The following KIF21A variants were observed in gnomAD, a reference collection of about 807,000 sequenced individuals.
KIF21A encodes the protein kinesin family member 21A.
A neutral mutation model predicts 202.9 loss-of-function variants in KIF21A; 114 were observed. That is an observed-to-expected ratio of 0.56 (90% CI 0.48 to 0.66). The LOEUF (loss-of-function observed/expected upper bound fraction) is 0.66. KIF21A is among the 30% of genes least tolerant of loss of function. The pLI is 0.00. For synonymous variants in KIF21A, 667 were observed against 670.8 expected (o/e 0.99, Z 0.09); for missense variants, 1,677 against 1,994.9 (o/e 0.84, Z 3.04).
At chr12:39,335,114 C>T (rs1196339089) in intron 17 of KIF21A, among the ~76,000 whole-genome samples, 1 of 151,978 alleles carries the variant, frequency 6.6e-6, no homozygotes, top group Non-Finnish European at 1.5e-5. Flanking sequence ...ACCTTGAAAA[C>T]ATCGTGTTAA....
rs751709193 is a variant in KIF21A at position 39,309,601 on chromosome 12, C to T, written c.4262G>A (p.Cys1421Tyr). The T allele has an allele frequency of 5.0e-6, 8 of 1,610,836 alleles. No individual in the cohort carries two copies. Among genetic ancestry groups the T allele is most frequent in the South Asian group, 4.4e-5 (4 of 91,026 alleles). ...KVWDIRDSAK[C>Y]IRTLTSSGQV... Reference sequence around the variant, plus strand: ...AGTTACTTACGTTAGTGTTCGAATGCACTTTGCTGAATCTCTGATATCCCA... The same window carrying T: ...AGTTACTTACGTTAGTGTTCGAATGTACTTTGCTGAATCTCTGATATCCCA... The change falls in exon 33 of 38, where the codon TGC becomes TAC. Residue 1421 changes from cysteine (C) to tyrosine (Y), a missense_variant. Around this residue, in one of 3 missense-constraint regions of KIF21A, gnomAD observed 705 missense variants for 791.9 expected, o/e 0.89. Transcript: ENST00000361418.
intron 1 of KIF21A, among the ~76,000 whole-genome samples, chr12:39,425,431 C>A (rs539816170): frequency 1.3e-4 from 20 of 152,118 alleles, no homozygotes; most frequent in Non-Finnish European, 2.9e-4. Context: ...TTTTTCACCT[C>A]TGATGTTAAA....
chr12:39,371,542 T>C (rs1036582480), intron 1 of KIF21A, among the ~76,000 whole-genome samples: 2 of 152,198 alleles, frequency 1.3e-5, no homozygotes, highest in African/African-American at 4.8e-5. Context: ...TATTCTGGAA[T>C]ATAAACCACT....
rs556969460 is a variant in KIF21A, at chr12:39,307,267, C to T, written c.4442+298G>A. Among the ~76,000 whole-genome samples, 5 of 152,124 alleles carry T rather than the reference C, an allele frequency of 3.3e-5. No individual in the cohort carries two copies. In the South Asian group the frequency reaches 1.0e-3, roughly 32 times the overall value. ...GTGAAACTAGGATGAGAATCTTGAC[C>T]TCTTCCTAGTAAACAACATGACTTG... On this transcript the variant is annotated intron_variant, in intron 34 of 37. Coordinates refer to ENST00000361418, the MANE Select transcript of KIF21A (RefSeq NM_001173464.2).
At chr12:39,315,316 T>C in intron 30 of KIF21A, 76 bp from the exon 31 acceptor site, 1 of 1,258,494 alleles carries the variant, frequency 7.9e-7, no homozygotes. Flanking sequence ...ATGATAATGG[T>C]GAAAGGGAAT....
chr12:39,360,927 C>T (rs1006401250), intron 7 of KIF21A, among the ~76,000 whole-genome samples: 1 of 152,104 alleles, frequency 6.6e-6, no homozygotes, highest in Non-Finnish European at 1.5e-5. Flanking sequence ...AGATATTTTG[C>T]TCTCCAAGGC....
chr12:39,366,936 G>T, intron 5 of KIF21A, 94 bp downstream of exon 5: 2 of 1,195,026 alleles, frequency 1.7e-6, no homozygotes, highest in Non-Finnish European at 2.5e-6. Flanking sequence ...ATGACTAAAT[G>T]AACTGAATTT....
Position 39,332,389 on chromosome 12 carries a change from T to G in KIF21A, c.2876A>C (p.Lys959Thr). Reference sequence around the variant, plus strand: ...TCTTTTTGAAAGTTTCTCTCGTCTTTTTGTGAGTTCCTCCCGTTGCTATTG... The same window carrying G: ...TCTTTTTGAAAGTTTCTCTCGTCTTGTTGTGAGTTCCTCCCGTTGCTATTG... ...RLLKQREELT[K>T]RREKLSKRRE... Residue 959 changes from lysine to threonine, a missense_variant, in exon 21 of 38, where the codon AAA (lysine) becomes ACA (threonine). Lys to Thr is a moderately conservative substitution (Grantham distance 78). Around this residue, in one of 3 missense-constraint regions of KIF21A, gnomAD observed 966 missense variants for 1,180.9 expected, o/e 0.82. Coordinates refer to ENST00000361418, the MANE Select transcript of KIF21A (RefSeq NM_001173464.2). The G allele has an allele frequency of 1.9e-6, 3 of 1,614,050 alleles. No homozygotes were observed. Among genetic ancestry groups the G allele is most frequent in the Non-Finnish European group, 2.5e-6 (3 of 1,179,968 alleles).
At chr12:39,419,708 T>C (rs1954082915) in intron 1 of KIF21A, among the ~76,000 whole-genome samples, 1 of 152,142 alleles carries the variant, frequency 6.6e-6, no homozygotes, top group African/African-American at 2.4e-5. Context: ...TAAAGATTCA[T>C]GGTGGGGATA....
chr12:39,375,404 C>A (rs937412030), intron 1 of KIF21A, among the ~76,000 whole-genome samples: 2 of 152,088 alleles, frequency 1.3e-5, no homozygotes, highest in African/African-American at 4.8e-5. Context: ...GCCAAGAATG[C>A]AAGACCCAGA....
intron 1 of KIF21A, among the ~76,000 whole-genome samples, chr12:39,395,718 T>A (rs1225720824): frequency 6.6e-6 from 1 of 151,810 alleles, no homozygotes; most frequent in Non-Finnish European, 1.5e-5. Flanking sequence ...TGCGGGCGCC[T>A]GTAGTCCCAG....
chr12:39,432,638 C>G (rs992245776), intron 1 of KIF21A, among the ~76,000 whole-genome samples: 1 of 151,200 alleles, frequency 6.6e-6, no homozygotes, highest in Non-Finnish European at 1.5e-5. Flanking sequence ...TTTAACAGAG[C>G]CTGGCTCTAT....
chr12:39,370,272 T>G lies in KIF21A; in HGVS notation c.45-11A>C. The G allele has an allele frequency of 6.3e-7, 1 of 1,586,948 alleles. No individual in the cohort carries two copies. Among genetic ancestry groups the G allele is most frequent in the Non-Finnish European group, 8.6e-7 (1 of 1,159,424 alleles). ...AGCTGTGGTCTTATTCTGTGAGAAA[T>G]AATCAGAAAAGAAAAAAATAAAATA... On this transcript the variant is annotated splice_polypyrimidine_tract_variant and intron_variant, in intron 1 of 37. Transcript: ENST00000361418.
chr12:39,315,671 T>C (rs955030938), intron 30 of KIF21A, among the ~76,000 whole-genome samples: 3 of 151,986 alleles, frequency 2.0e-5, no homozygotes, highest in Admixed American at 6.6e-5. Flanking sequence ...CTTGATTTCT[T>C]TTAAAGAAAA....
chr12:39,403,988 T>C (rs1952381311), intron 1 of KIF21A, among the ~76,000 whole-genome samples: 1 of 152,244 alleles, frequency 6.6e-6, no homozygotes, highest in South Asian at 2.1e-4. Flanking sequence ...ACCTGGGAGC[T>C]TGTTAATCAC....
intron 1 of KIF21A, among the ~76,000 whole-genome samples, chr12:39,399,010 G>A (rs925615723): frequency 1.3e-5 from 2 of 152,082 alleles, no homozygotes; most frequent in Non-Finnish European, 2.9e-5. Flanking sequence ...AATCACTTGA[G>A]CACAAGAGTT....
chr12:39,305,043 A>T, intron 34 of KIF21A, 105 bp from the exon 35 acceptor site: 1 of 691,608 alleles, frequency 1.4e-6, no homozygotes, highest in Non-Finnish European at 2.6e-6. Context: ...TAATTCACTA[A>T]CTTTTTTTTT....
chr12:39,349,585 T>G (rs1007389176), intron 11 of KIF21A, among the ~76,000 whole-genome samples: 1 of 152,094 alleles, frequency 6.6e-6, no homozygotes, highest in Non-Finnish European at 1.5e-5. Context: ...TGTATGCTGG[T>G]TCTTTACTAA....
Position 39,358,300 on chromosome 12 carries a change from C to T in KIF21A, c.1093G>A (p.Ala365Thr). The change falls in exon 8 of 38, where the codon GCC becomes ACC. Residue 365 changes from alanine (A) to threonine (T), a missense_variant. By Grantham distance (58) the Ala-to-Thr change is moderately conservative. Coordinates refer to ENST00000361418, the MANE Select transcript of KIF21A (RefSeq NM_001173464.2). ...FMETLNTLKY[A>T]NRARNIKNKV... ...TTCTTGATATTTCTAGCTCGATTGG[C>T]GTATTTCAGGGTGTTTAACGTTTCC... 5 of 1,613,984 alleles carry T rather than the reference C, an allele frequency of 3.1e-6. No homozygotes were observed. Among genetic ancestry groups the T allele is most frequent in the South Asian group, 1.1e-5 (1 of 91,072 alleles).
Sources: gnomAD v4.1 joint callset for allele counts (sites outside exome capture counted in the v4.1 genomes callset) on GRCh38, gnomAD v4.1.1 for gene constraint, gnomAD v4.1.1 regional missense constraint, MANE v1.5 for transcripts, NCBI Gene and HGNC (gene_info 2026-07-23, HGNC 2026-07-21) for gene names.